Variants in PLD1 observed in about 807,000 individuals in gnomAD.
The protein encoded by PLD1 is phospholipase D1, also known as choline phosphatase 1.
In PLD1, 112 loss-of-function variants were observed where a neutral mutation model predicts 137.1. That is an observed-to-expected ratio of 0.82 (90% CI 0.70 to 0.96). PLD1 has a LOEUF of 0.96. Among genes scored for constraint, PLD1 ranks in the 40% least tolerant of loss-of-function variants. PLD1 has a pLI of 0.00. For synonymous variants in PLD1, 431 were observed against 454.7 expected (o/e 0.95, Z 0.66); for missense variants, 1,321 against 1,342.0 (o/e 0.98, Z 0.24).
rs973787527 is a variant in PLD1, at chr3:171,711,830, A to C, written c.911+2063T>G. 5.3e-5 allele frequency among the ~76,000 whole-genome samples: 8 copies of C among 152,106 alleles called. No homozygotes were observed. In the South Asian group the frequency reaches 1.7e-3, roughly 32 times the overall value. ...AGTTATAAATGCTAAAAAAAAAAAA[A>C]AAAAAAAAAAAATTCAGAGTGGATT... On this transcript the variant is annotated intron_variant, in intron 9 of 26. Coordinates refer to ENST00000351298, the MANE Select transcript of PLD1 (RefSeq NM_002662.5).
intron 1 of PLD1, among the ~76,000 whole-genome samples, chr3:171,742,708 T>C (rs1719872744): frequency 6.6e-6 from 1 of 152,210 alleles, no homozygotes; most frequent in Admixed American, 6.5e-5. Context: ...AAACACATCA[T>C]ACAGCAACTC....
intron 23 of PLD1, among the ~76,000 whole-genome samples, chr3:171,629,872 T>A (rs1734509123): frequency 6.6e-6 from 1 of 152,038 alleles, no homozygotes; most frequent in South Asian, 2.1e-4. Context: ...TCAAGATGGA[T>A]TAAAGACTTA....
chr3:171,769,350 G>A (rs1023517098), intron 1 of PLD1, among the ~76,000 whole-genome samples: 3 of 152,136 alleles, frequency 2.0e-5, no homozygotes, highest in Non-Finnish European at 2.9e-5. Flanking sequence ...AGTAATCAAC[G>A]ACTAAAATGT....
intron 1 of PLD1, among the ~76,000 whole-genome samples, chr3:171,764,887 GAAAGAAAGGAAGGAAGGAAGGAAGGAA>G (rs1560288580): frequency 0.05 from 1,126 of 22,424 alleles, 137 homozygotes; most frequent in Non-Finnish European, 0.062. Context: ...AAGAAAGAAA[GAAAGAAAGGAAGGAAGGAAGGAAGGAA>G]AGAAAGAAAG....
At position 171,652,766 on chromosome 3, in the gene PLD1, A is replaced by ATTTT. The variant is rs1174564536; in HGVS notation, c.2429+6443_2429+6446dup. On this transcript the variant is annotated intron_variant, in intron 21 of 26. Transcript: ENST00000351298. ...CAGGCATGTACCAGCACACTCAGCTATTTTTTTTTTTTTTTTTTTTTTTTT... is the reference window on the plus strand; with the variant it reads ...CAGGCATGTACCAGCACACTCAGCTATTTTTTTTTTTTTTTTTTTTTTTTTTTTT... 1.1e-3 allele frequency among the ~76,000 whole-genome samples: 84 copies of ATTTT among 75,630 alleles called. 6 individuals are homozygous for ATTTT. Among genetic ancestry groups the ATTTT allele is most frequent in the Non-Finnish European group, 1.6e-3 (68 of 42,182 alleles). 49.6% of individuals were successfully genotyped at this position (75,630 alleles called of 152,430 possible).
chr3:171,605,287 C>A lies in PLD1; in HGVS notation c.3000+12G>T. On this transcript the variant is annotated intron_variant, in intron 26 of 26. Transcript: ENST00000351298. ...TGAAAAGAAACGGAGGAGGGGAATA[C>A]GTGAACTTCACCTTGTCATAAATTG... 1 of 1,432,770 alleles carries A rather than the reference C, an allele frequency of 7.0e-7. No homozygotes were observed. Among genetic ancestry groups the A allele is most frequent in the Non-Finnish European group, 9.9e-7 (1 of 1,014,490 alleles). The allele number at this position is 1,432,770 out of a possible 1,614,324, so 88.8% of individuals were successfully genotyped here. A position where few individuals can be genotyped will look rare whatever the true frequency, so the allele number is the denominator to read the frequency against.
At chr3:171,685,130 C>CT (rs1030507980) in intron 16 of PLD1, among the ~76,000 whole-genome samples, 14 of 152,120 alleles carry the variant, frequency 9.2e-5, no homozygotes, top group East Asian at 1.9e-4. Context: ...TTTTTTGCAA[C>CT]TTTTTTTAGC....
chr3:171,709,963 A>T (rs575536748), intron 9 of PLD1, among the ~76,000 whole-genome samples: 93 of 152,336 alleles, frequency 6.1e-4, no homozygotes, highest in African/African-American at 2.2e-3. Flanking sequence ...GCTGTGTGCT[A>T]GGCCATGAGG....
At chr3:171,772,010 AATGGAACTT>A (rs1367794897) in intron 1 of PLD1, among the ~76,000 whole-genome samples, 1 of 152,240 alleles carries the variant, frequency 6.6e-6, no homozygotes, top group East Asian at 1.9e-4. Flanking sequence ...TGCCTTTTAA[AATGGAACTT>A]AATACCACTC....
intron 16 of PLD1, among the ~76,000 whole-genome samples, chr3:171,681,287 T>C (rs1319600545): frequency 6.6e-6 from 1 of 152,228 alleles, no homozygotes; most frequent in Non-Finnish European, 1.5e-5. Flanking sequence ...TGGATCCTGC[T>C]GGGAGTGTAA....
At chr3:171,606,383 T>C (rs1273830159) in intron 25 of PLD1, among the ~76,000 whole-genome samples, 1 of 152,174 alleles carries the variant, frequency 6.6e-6, no homozygotes, top group Non-Finnish European at 1.5e-5. Flanking sequence ...TAAATGGAAC[T>C]GGGGTTTGGG....
chr3:171,764,924 GGAAAGAAAGGAAAGAAAGAAAGAAA>G (rs1366062343), intron 1 of PLD1, among the ~76,000 whole-genome samples: 280 of 20,446 alleles, frequency 0.014, 27 homozygotes, highest in African/African-American at 0.037. Context: ...AAGAAAGAAA[GGAAAGAAAGGAAAGAAAGAAAGAAA>G]GAAAGAAAGA....
At chr3:171,779,216 A>T (rs1722694191) in intron 1 of PLD1, among the ~76,000 whole-genome samples, 2 of 152,160 alleles carry the variant, frequency 1.3e-5, no homozygotes, top group African/African-American at 4.8e-5. Flanking sequence ...AAATAAAAAT[A>T]AAAAAAGAAT....
At chr3:171,673,465 G>A (rs1713000759) in intron 19 of PLD1, among the ~76,000 whole-genome samples, 1 of 151,942 alleles carries the variant, frequency 6.6e-6, no homozygotes, top group Non-Finnish European at 1.5e-5. Flanking sequence ...ATTTTTAGTA[G>A]AGACAGGGTT....
chr3:171,734,727 GA>G (rs1410598043), intron 5 of PLD1, 137 bp downstream of exon 5: 2 of 596,884 alleles, frequency 3.4e-6, no homozygotes, highest in African/African-American at 3.7e-5. Context: ...ACTAGTTCCA[GA>G]AAAGCTAAAC....
chr3:171,704,470 A>C (rs796989462), intron 11 of PLD1, among the ~76,000 whole-genome samples: 1 of 138,168 alleles, frequency 7.2e-6, no homozygotes, highest in South Asian at 2.1e-4. Flanking sequence ...AAAAAAAAAA[A>C]AAAAAAACCT....
chr3:171,611,140 C>T (rs529308985), intron 25 of PLD1, among the ~76,000 whole-genome samples: 18 of 152,294 alleles, frequency 1.2e-4, no homozygotes, highest in East Asian at 3.9e-4. Flanking sequence ...TTAACTATAT[C>T]GGGGCCACCT....
Position 171,612,305 on chromosome 3 carries a change from G to C in PLD1, c.2856C>G (p.Ala952=). 1 of 1,614,078 alleles carries C rather than the reference G, an allele frequency of 6.2e-7. No individual in the cohort carries two copies. The highest frequency in any genetic ancestry group is 8.5e-7 in the Non-Finnish European group (1 of 1,179,990). Residue 952 remains alanine, a synonymous_variant, in exon 25 of 27, where the codon GCC becomes GCG. Transcript: ENST00000351298. The surrounding 1 kb of genome is among the most constrained non-coding windows in gnomAD (Gnocchi z 4.1). Reference sequence around the variant, plus strand: ...TAAAGCACTGTAGCCGAAGTCCTCGGGCAAACCGGCCAGCTTGGTACTCTT... The same window carrying C: ...TAAAGCACTGTAGCCGAAGTCCTCGCGCAAACCGGCCAGCTTGGTACTCTT... The part of the protein sequence containing the change: ...DGKEYQAGRF[A]RGLRLQCFRV...
At chr3:171,774,692 G>A (rs1350590809) in intron 1 of PLD1, among the ~76,000 whole-genome samples, 1 of 152,212 alleles carries the variant, frequency 6.6e-6, no homozygotes, top group African/African-American at 2.4e-5. Flanking sequence ...GGCTTGTGCC[G>A]TAAACCCCGC....
Sources: gnomAD v4.1 joint callset for allele counts (sites outside exome capture counted in the v4.1 genomes callset) on GRCh38, gnomAD v4.1.1 for gene constraint, Gnocchi (gnomAD v3.1) non-coding constraint, MANE v1.5 for transcripts, NCBI Gene and HGNC (gene_info 2026-07-23, HGNC 2026-07-21) for gene names.